The following CDH12 variants were observed in gnomAD, a reference collection of about 807,000 sequenced individuals.
CDH12 encodes cadherin 12.
Under a neutral mutation model 74.1 loss-of-function variants are expected in CDH12, and 41 were observed. The observed-to-expected ratio is 0.55, with a 90% CI of 0.43 to 0.72. The LOEUF is 0.72. Among genes scored for constraint, CDH12 ranks in the 30% least tolerant of loss-of-function variants. CDH12 has a pLI of 0.00. For synonymous variants in CDH12, 399 were observed against 355.0 expected (o/e 1.12, Z -1.39); for missense variants, 945 against 977.2 (o/e 0.97, Z 0.44).
At chr5:22,083,910 G>C (rs1252094128) in intron 4 of CDH12, among the ~76,000 whole-genome samples, 3 of 152,112 alleles carry the variant, frequency 2.0e-5, no homozygotes, top group Non-Finnish European at 4.4e-5. Flanking sequence ...TTTCAATACT[G>C]GGCAGCTTAA....
intron 2 of CDH12, among the ~76,000 whole-genome samples, chr5:22,419,228 G>A (rs1380097580): frequency 6.6e-6 from 1 of 152,046 alleles, no homozygotes; most frequent in Non-Finnish European, 1.5e-5. Context: ...TGCTTTGGTG[G>A]TTTGCTGCAT....
At chr5:22,450,801 A>C (rs983050194) in intron 2 of CDH12, among the ~76,000 whole-genome samples, 2 of 151,784 alleles carry the variant, frequency 1.3e-5, no homozygotes, top group African/African-American at 4.8e-5. Flanking sequence ...TGGAACCTAA[A>C]GATCTGCTTA....
chr5:21,798,060 A>G, intron 10 of CDH12, among the ~76,000 whole-genome samples: 1 of 151,948 alleles, frequency 6.6e-6, no homozygotes, highest in East Asian at 1.9e-4. Flanking sequence ...TTTTTTTTCA[A>G]TAACTGTTCA....
intron 4 of CDH12, among the ~76,000 whole-genome samples, chr5:22,190,269 C>A (rs1401587855): frequency 1.3e-5 from 2 of 151,944 alleles, no homozygotes; most frequent in African/African-American, 2.4e-5. Flanking sequence ...TATAGACACA[C>A]AATTTTCATT....
At chr5:22,506,423 T>C (rs1486463225) in intron 1 of CDH12, among the ~76,000 whole-genome samples, 1 of 152,194 alleles carries the variant, frequency 6.6e-6, no homozygotes, top group Admixed American at 6.6e-5. Flanking sequence ...TTTGTTGGTC[T>C]AATTGTTTTA....
chr5:22,208,822 A>G (rs4339309), intron 4 of CDH12, among the ~76,000 whole-genome samples: 133,849 of 152,194 alleles, frequency 0.88, 58,961 homozygotes, highest in East Asian at 0.97. Flanking sequence ...CTTCTACAAT[A>G]TTGTCCTTTA....
chr5:22,253,927 G>C (rs1410442724), intron 3 of CDH12, among the ~76,000 whole-genome samples: 1 of 151,926 alleles, frequency 6.6e-6, no homozygotes, highest in Admixed American at 6.6e-5. Context: ...TGCCTGAAAT[G>C]TGTATTGTGC....
chr5:22,179,082 T>G (rs2150335915), intron 4 of CDH12, among the ~76,000 whole-genome samples: 1 of 152,332 alleles, frequency 6.6e-6, no homozygotes, highest in Non-Finnish European at 1.5e-5. Context: ...ATCTCATAAA[T>G]GTTGAGTACT....
chr5:22,708,519 G>T (rs1743134885), intron 1 of CDH12, among the ~76,000 whole-genome samples: 1 of 152,124 alleles, frequency 6.6e-6, no homozygotes. Context: ...AAAAGGAAAA[G>T]CCTCCTGAGA....
chr5:22,297,297 A>C (rs1737673412), intron 3 of CDH12, among the ~76,000 whole-genome samples: 1 of 152,182 alleles, frequency 6.6e-6, no homozygotes, highest in Non-Finnish European at 1.5e-5. Context: ...CTGGGATAAC[A>C]GGCATAAGCC....
chr5:21,980,927 A>T (rs923586860), intron 5 of CDH12, among the ~76,000 whole-genome samples: 3 of 152,146 alleles, frequency 2.0e-5, no homozygotes, highest in African/African-American at 7.2e-5. Context: ...TTTTAATCAA[A>T]GTAATACAAT....
intron 3 of CDH12, among the ~76,000 whole-genome samples, chr5:22,239,301 C>G (rs1254373777): frequency 1.3e-5 from 2 of 152,046 alleles, no homozygotes; most frequent in African/African-American, 4.8e-5. Context: ...TATTCAAGAA[C>G]CAATGGTTCT....
At chr5:22,362,055 GC>G (rs1410431154) in intron 3 of CDH12, among the ~76,000 whole-genome samples, 1 of 152,052 alleles carries the variant, frequency 6.6e-6, no homozygotes, top group Admixed American at 6.6e-5. Context: ...AAAAGCAAAG[GC>G]AACAAAAGCC....
At chr5:22,819,238 G>T (rs1036112263) in intron 1 of CDH12, among the ~76,000 whole-genome samples, 1 of 152,080 alleles carries the variant, frequency 6.6e-6, no homozygotes, top group African/African-American at 2.4e-5. Context: ...GTGACAAAGT[G>T]ATCCTGCTCA....
chr5:22,534,173 A>C (rs775457399), intron 1 of CDH12, among the ~76,000 whole-genome samples: 1 of 152,124 alleles, frequency 6.6e-6, no homozygotes, highest in African/African-American at 2.4e-5. Flanking sequence ...TGAGATTTCC[A>C]AACACAGCCT....
chr5:22,696,791 T>A (rs936103980), intron 1 of CDH12, among the ~76,000 whole-genome samples: 1 of 152,186 alleles, frequency 6.6e-6, no homozygotes, highest in East Asian at 1.9e-4. Context: ...TCAGTGTTTT[T>A]AAAATAGTTA....
At chr5:22,458,690 A>G (rs1478954396) in intron 2 of CDH12, among the ~76,000 whole-genome samples, 1 of 152,186 alleles carries the variant, frequency 6.6e-6, no homozygotes, top group Non-Finnish European at 1.5e-5. Flanking sequence ...ATCTTTTTAG[A>G]TATTTTAATG....
rs527699881 is a variant in CDH12, at chr5:21,773,932, G to A, written c.1394-8833C>T. Among the ~76,000 whole-genome samples the A allele has an allele frequency of 6.6e-4, 101 of 152,208 alleles. 1 individual carries two copies. Among genetic ancestry groups the A allele is most frequent in the East Asian group, 4.4e-3 (23 of 5,172 alleles). ...ATTAGTGTGCTTCTGGTTGTAAGAAGGATAACTGTACTATGTTAGGCATAA... is the reference window on the plus strand; with the variant it reads ...ATTAGTGTGCTTCTGGTTGTAAGAAAGATAACTGTACTATGTTAGGCATAA... On this transcript the variant is annotated intron_variant, in intron 11 of 14. Coordinates refer to ENST00000382254, the MANE Select transcript of CDH12 (RefSeq NM_004061.5).
intron 1 of CDH12, among the ~76,000 whole-genome samples, chr5:22,847,134 G>A (rs1737342474): frequency 6.6e-6 from 1 of 151,972 alleles, no homozygotes; most frequent in Non-Finnish European, 1.5e-5. Flanking sequence ...CACAAATCCT[G>A]GATAGTTATT....
Sources: allele counts gnomAD v4.1 joint callset (sites outside exome capture counted in the v4.1 genomes callset), GRCh38; gene constraint gnomAD v4.1.1; transcripts MANE v1.5; gene names NCBI Gene and HGNC (gene_info 2026-07-23, HGNC 2026-07-21).